The following MAOB variants were observed in gnomAD, a reference collection of about 807,000 sequenced individuals.
MAOB encodes the protein amine oxidase [flavin-containing] B.
In MAOB, 15 loss-of-function variants were observed where a neutral mutation model predicts 41.9. The observed-to-expected ratio is 0.36, with a 90% confidence interval of 0.24 to 0.55. MAOB has a LOEUF of 0.55. Ranked by LOEUF, MAOB falls within the 20% of genes least tolerant of loss-of-function variation. The pLI is 0.86. For synonymous variants in MAOB, 167 were observed against 144.2 expected, an observed-to-expected ratio of 1.16 and a Z score of -1.13; for missense variants, 345 against 398.7, an observed-to-expected ratio of 0.87 and a Z score of 1.15.
At chrX:43,789,890 AAAAAT>A (rs1315273359) in intron 8 of MAOB, among the ~76,000 whole-genome samples, 3 of 111,977 alleles carry the variant, frequency 2.7e-5, no homozygotes, top group Non-Finnish European at 5.6e-5. Context: ...ATCTACAATT[AAAAAT>A]AAAATAAAAG....
chrX:43,793,638 T>C, intron 7 of MAOB, 60 bp from the exon 8 acceptor site: 1 of 934,996 alleles, frequency 1.1e-6, no homozygotes, highest in Non-Finnish European at 1.5e-6. Flanking sequence ...TTTTTCCCAA[T>C]GATTCTCTCT....
At chrX:43,795,316 T>A (rs1601978887) in intron 7 of MAOB, among the ~76,000 whole-genome samples, 1 of 112,173 alleles carries the variant, frequency 8.9e-6, no homozygotes, top group Non-Finnish European at 1.9e-5. Context: ...AAGAGGTGCA[T>A]TGGGCAAGAG....
At chrX:43,807,361 A>G (rs1043580147) in intron 3 of MAOB, among the ~76,000 whole-genome samples, 20 of 112,332 alleles carry the variant, frequency 1.8e-4, no homozygotes, top group African/African-American at 6.5e-4. Context: ...TATTGACTCC[A>G]TCGTCTTCTT....
At chrX:43,781,410 C>A in intron 9 of MAOB, 38 bp downstream of exon 9, 1 of 865,469 alleles carries the variant, frequency 1.2e-6, no homozygotes, top group Non-Finnish European at 1.6e-6. Flanking sequence ...ATCTTGTCAA[C>A]ACTGAATAGC....
rs2034126401 is a variant in MAOB at position 43,767,527 on chromosome X, ATGG to A, written c.1499_1501del (p.Thr500del). 6 of 1,208,876 alleles carry A rather than the reference ATGG, an allele frequency of 5.0e-6. No individual in the cohort carries two copies. Among genetic ancestry groups the A allele is most frequent in the Non-Finnish European group, 6.7e-6 (6 of 894,736 alleles). On this transcript the variant is annotated inframe_deletion, in exon 15 of 15. Transcript: ENST00000378069. The stretch of plus-strand genomic sequence containing the variant: ...GAAGCCAAGAGCCGTTGCTGAAAAG[ATGG>A]TGGTCAATCCAATCAGCCTGAGCAG...
At chrX:43,876,565 G>C (rs914464556) in intron 1 of MAOB, among the ~76,000 whole-genome samples, 1 of 112,185 alleles carries the variant, frequency 8.9e-6, no homozygotes, top group African/African-American at 3.2e-5. Context: ...TAGGGGAACA[G>C]ATGGGATTTG....
At chrX:43,867,634 A>C (rs2035374112) in intron 1 of MAOB, among the ~76,000 whole-genome samples, 1 of 112,298 alleles carries the variant, frequency 8.9e-6, no homozygotes, top group Non-Finnish European at 1.9e-5. Flanking sequence ...ACCACCTTAT[A>C]GGAACGCTGT....
chrX:43,836,190 A>G (rs1009191594), intron 3 of MAOB, among the ~76,000 whole-genome samples: 4 of 112,039 alleles, frequency 3.6e-5, no homozygotes, highest in African/African-American at 1.3e-4. Context: ...AAATTTCTCA[A>G]CTACATTCTC....
chrX:43,767,938 T>C (rs1200521358), intron 14 of MAOB, among the ~76,000 whole-genome samples: 1 of 112,247 alleles, frequency 8.9e-6, no homozygotes, highest in Non-Finnish European at 1.9e-5. Context: ...ACAAAAATGC[T>C]GCTGTGCCTT....
intron 8 of MAOB, among the ~76,000 whole-genome samples, chrX:43,790,862 T>C (rs2034454962): frequency 8.9e-6 from 1 of 112,081 alleles, no homozygotes; most frequent in South Asian, 3.7e-4. Context: ...ACAACTTGCC[T>C]GGCACATAGC....
chrX:43,806,577 C>A (rs933480118), intron 3 of MAOB, among the ~76,000 whole-genome samples: 1 of 110,478 alleles, frequency 9.1e-6, no homozygotes, highest in East Asian at 2.9e-4. Flanking sequence ...CAGGTCTCTC[C>A]ACTGTAGAGT....
chrX:43,865,275 T>C (rs2035357800), intron 1 of MAOB, among the ~76,000 whole-genome samples: 1 of 112,345 alleles, frequency 8.9e-6, no homozygotes, highest in African/African-American at 3.2e-5. Flanking sequence ...GAAGACATGA[T>C]GCTAAATGAA....
intron 3 of MAOB, among the ~76,000 whole-genome samples, chrX:43,818,123 ATCTG>A (rs2034840918): frequency 8.9e-6 from 1 of 112,275 alleles, no homozygotes; most frequent in South Asian, 3.7e-4. Context: ...GTCATACAAT[ATCTG>A]TCTTTTTGTG....
rs2035102289 is a variant in MAOB, at chrX:43,839,017, T to C, written c.142-12A>G. Reference sequence around the variant, plus strand: ...TTAACCTTTTGGTTCTGTTTTCCCATAGGAAAAAATTAAAAAAAATTTGTA... The same window carrying C: ...TTAACCTTTTGGTTCTGTTTTCCCACAGGAAAAAATTAAAAAAAATTTGTA... On this transcript the variant is annotated splice_polypyrimidine_tract_variant and intron_variant, in intron 2 of 14. Coordinates refer to ENST00000378069, the MANE Select transcript of MAOB (RefSeq NM_000898.5). The C allele has an allele frequency of 2.7e-6, 3 of 1,130,545 alleles. No homozygotes were observed. Among genetic ancestry groups the C allele is most frequent in the Non-Finnish European group, 3.5e-6 (3 of 850,580 alleles). 93.2% of individuals were successfully genotyped at this position (1,130,545 alleles called of 1,213,427 possible).
rs1318382254 is a variant in MAOB at position 43,802,585 on chromosome X, G to A, written c.385-322C>T. ...GATTCCTAAGTTACTAACTTCTAGAGAACACTCATAAATTTAACTATTTAA... is the reference window on the plus strand; with the variant it reads ...GATTCCTAAGTTACTAACTTCTAGAAAACACTCATAAATTTAACTATTTAA... On this transcript the variant is annotated intron_variant, in intron 4 of 14. Coordinates refer to ENST00000378069, the MANE Select transcript of MAOB (RefSeq NM_000898.5). 4.5e-5 allele frequency among the ~76,000 whole-genome samples: 5 copies of A among 111,958 alleles called. No individual in the cohort carries two copies. In the South Asian group the frequency reaches 1.1e-3, roughly 25 times the overall value.
At position 43,767,128 on chromosome X, in the gene MAOB, C is replaced by T. The variant is rs1490884456; in HGVS notation, c.*338G>A. On this transcript the variant is annotated 3_prime_UTR_variant, in exon 15 of 15. Coordinates refer to ENST00000378069, the MANE Select transcript of MAOB (RefSeq NM_000898.5). ...GGTAAGAGGAAGAACAAGCACAAAGCCATAATGGTAGGAAAAAATTCATTC... is the reference window on the plus strand; with the variant it reads ...GGTAAGAGGAAGAACAAGCACAAAGTCATAATGGTAGGAAAAAATTCATTC... 1 of 207,803 alleles carries T rather than the reference C, an allele frequency of 4.8e-6. No individual in the cohort carries two copies. Among genetic ancestry groups the T allele is most frequent in the African/African-American group, 2.9e-5 (1 of 34,431 alleles). 17.1% of individuals were successfully genotyped at this position (207,803 alleles called of 1,213,427 possible). A position where few individuals can be genotyped will look rare whatever the true frequency, so the allele number is the denominator to read the frequency against.
At chrX:43,853,713 T>A (rs896251955) in intron 1 of MAOB, among the ~76,000 whole-genome samples, 1 of 111,032 alleles carries the variant, frequency 9.0e-6, no homozygotes, top group Non-Finnish European at 1.9e-5. Context: ...GAGAACTCCA[T>A]GAAAAAATGA....
chrX:43,822,925 C>A (rs1319725370), intron 3 of MAOB, among the ~76,000 whole-genome samples: 1 of 110,901 alleles, frequency 9.0e-6, no homozygotes, highest in Non-Finnish European at 1.9e-5. Context: ...ACACTTTTTT[C>A]ACATTTGCTG....
chrX:43,839,981 A>C (rs1038227013), intron 2 of MAOB, among the ~76,000 whole-genome samples: 1 of 112,219 alleles, frequency 8.9e-6, no homozygotes, highest in Non-Finnish European at 1.9e-5. Context: ...ATTAACACAG[A>C]AGAAAGGCAA....
Sources: gnomAD v4.1 joint callset for allele counts (sites outside exome capture counted in the v4.1 genomes callset) on GRCh38, gnomAD v4.1.1 for gene constraint, MANE v1.5 for transcripts, NCBI Gene and HGNC (gene_info 2026-07-23, HGNC 2026-07-21) for gene names.